The following ROBO2 variants were observed in gnomAD, a reference collection of about 807,000 sequenced individuals.
The protein encoded by ROBO2 is roundabout homolog 2.
ROBO2 carries 53 observed loss-of-function variants against 160.8 expected under a neutral mutation model. The ratio of observed to expected loss-of-function variants is 0.33; its 90% CI spans 0.26 to 0.41. The LOEUF is 0.41. Among genes scored for constraint, ROBO2 ranks in the 10% least tolerant of loss-of-function variants. The pLI is 1.00. For synonymous variants in ROBO2, 664 were observed against 611.7 expected (o/e 1.09, Z -1.26); for missense variants, 1,577 against 1,722.4 (o/e 0.92, Z 1.49).
chr3:77,099,199 G>A (rs1301447076), intron 2 of ROBO2, among the ~76,000 whole-genome samples: 1 of 150,464 alleles, frequency 6.6e-6, no homozygotes, highest in Non-Finnish European at 1.5e-5. Flanking sequence ...AGCCTCCCAA[G>A]TAGCTGGGAT....
At chr3:76,135,235 TC>T (rs1413246279) in intron 2 of ROBO2, among the ~76,000 whole-genome samples, 5 of 151,970 alleles carry the variant, frequency 3.3e-5, no homozygotes, top group Non-Finnish European at 7.4e-5. Context: ...AGCTTTGTGC[TC>T]CCTGAGCACA....
chr3:75,974,934 G>C (rs1241757680), intron 2 of ROBO2, among the ~76,000 whole-genome samples: 1 of 151,460 alleles, frequency 6.6e-6, no homozygotes, highest in Non-Finnish European at 1.5e-5. Flanking sequence ...ATAAATTGAT[G>C]AGCTTTATTT....
chr3:76,156,415 T>A (rs916807756), intron 2 of ROBO2, among the ~76,000 whole-genome samples: 2 of 152,196 alleles, frequency 1.3e-5, no homozygotes, highest in African/African-American at 4.8e-5. Flanking sequence ...TCTGTAGATA[T>A]GTTATGGACT....
chr3:76,840,331 T>C (rs2068101861), intron 2 of ROBO2, among the ~76,000 whole-genome samples: 1 of 151,888 alleles, frequency 6.6e-6, no homozygotes, highest in Admixed American at 6.6e-5. Context: ...ATGAAGTGGC[T>C]GGGCGCGGTA....
chr3:76,491,265 A>T (rs11921008), intron 2 of ROBO2, among the ~76,000 whole-genome samples: 46,797 of 151,486 alleles, frequency 0.31, 8,655 homozygotes, highest in African/African-American at 0.51. Flanking sequence ...TAATTTTTTT[A>T]AAAAAAAGTA....
rs114786368 is a variant in ROBO2, at chr3:77,441,265, C to A, written c.389-36149C>A. 4.5e-3 allele frequency among the ~76,000 whole-genome samples: 677 copies of A among 151,392 alleles called. 2 individuals carry two copies. The highest frequency in any genetic ancestry group is 0.022 in the East Asian group (114 of 5,148). On this transcript the variant is annotated intron_variant, in intron 2 of 25. Transcript: ENST00000461745. Reference sequence around the variant, plus strand: ...CATGTTTGAAGATTGCTGTGTAAAGCATTGGATGTTTCCAAAACAGAGACG... The same window carrying A: ...CATGTTTGAAGATTGCTGTGTAAAGAATTGGATGTTTCCAAAACAGAGACG...
intron 20 of ROBO2, among the ~76,000 whole-genome samples, chr3:77,607,207 C>G (rs1017995204): frequency 5.3e-5 from 8 of 152,208 alleles, no homozygotes; most frequent in African/African-American, 1.9e-4. Flanking sequence ...AAGAACTATT[C>G]ACATATGCAA....
At chr3:76,802,208 G>T (rs149771924) in intron 2 of ROBO2, among the ~76,000 whole-genome samples, 57 of 152,316 alleles carry the variant, frequency 3.7e-4, no homozygotes, top group Non-Finnish European at 6.6e-4. Flanking sequence ...CTTGCTTCAT[G>T]CAGGGTTGCC....
chr3:77,219,458 A>G (rs1272870362), intron 2 of ROBO2, among the ~76,000 whole-genome samples: 1 of 122,248 alleles, frequency 8.2e-6, no homozygotes, highest in African/African-American at 3.0e-5. Flanking sequence ...ATATATATAT[A>G]TGTATCTGTG....
chr3:76,243,702 G>A (rs529752531), intron 2 of ROBO2, among the ~76,000 whole-genome samples: 5 of 152,252 alleles, frequency 3.3e-5, no homozygotes, highest in Admixed American at 2.6e-4. Context: ...TTCCCCTGTC[G>A]TTTACCTCCC....
intron 2 of ROBO2, among the ~76,000 whole-genome samples, chr3:76,298,973 C>T (rs1030521341): frequency 6.6e-6 from 1 of 152,130 alleles, no homozygotes; most frequent in African/African-American, 2.4e-5. Context: ...TTATTCTCTT[C>T]TAAATAGTGT....
chr3:76,241,391 G>A (rs1357744326), intron 2 of ROBO2, among the ~76,000 whole-genome samples: 1 of 152,214 alleles, frequency 6.6e-6, no homozygotes, highest in Non-Finnish European at 1.5e-5. Context: ...ACACTTACTG[G>A]TCATTTGCTA....
At chr3:76,119,226 G>C (rs1198687876) in intron 2 of ROBO2, among the ~76,000 whole-genome samples, 2 of 152,088 alleles carry the variant, frequency 1.3e-5, no homozygotes, top group Non-Finnish European at 2.9e-5. Flanking sequence ...TTCGCTGTTG[G>C]TTCATGCACC....
At chr3:76,714,097 A>G (rs1339688278) in intron 2 of ROBO2, among the ~76,000 whole-genome samples, 1 of 152,152 alleles carries the variant, frequency 6.6e-6, no homozygotes, top group Admixed American at 6.6e-5. Context: ...CTGTAGGTTT[A>G]TTTTTGTTTT....
chr3:76,785,521 G>T (rs1291685501), intron 2 of ROBO2, among the ~76,000 whole-genome samples: 1 of 151,204 alleles, frequency 6.6e-6, no homozygotes, highest in Non-Finnish European at 1.5e-5. Flanking sequence ...TGGTGATTTT[G>T]TTGTAGTGCT....
At chr3:77,122,340 G>C (rs2074862801) in intron 2 of ROBO2, among the ~76,000 whole-genome samples, 1 of 152,038 alleles carries the variant, frequency 6.6e-6, no homozygotes, top group Non-Finnish European at 1.5e-5. Flanking sequence ...ATATTTTCTT[G>C]TTTGATTTCA....
intron 2 of ROBO2, among the ~76,000 whole-genome samples, chr3:76,663,659 GAAGA>G (rs1399889711): frequency 6.6e-6 from 1 of 152,142 alleles, no homozygotes; most frequent in Non-Finnish European, 1.5e-5. Context: ...ATGCTAATTG[GAAGA>G]AAGAATGAGG....
At chr3:76,941,486 T>G (rs2078182398) in intron 2 of ROBO2, among the ~76,000 whole-genome samples, 1 of 152,154 alleles carries the variant, frequency 6.6e-6, no homozygotes, top group Admixed American at 6.6e-5. Flanking sequence ...TTTTGCAACT[T>G]TCTCCCTACC....
chr3:76,247,488 C>G lies in ROBO2; in HGVS notation c.109+309886C>G, dbSNP rs1346337374. On this transcript the variant is annotated intron_variant, in intron 2 of 26. Transcript: ENST00000487694. Reference sequence around the variant, plus strand: ...AATAAAATCCAAATTCTTTATTACTCTAACCCATTTTCTGAAAGTTGGCAC... The same window carrying G: ...AATAAAATCCAAATTCTTTATTACTGTAACCCATTTTCTGAAAGTTGGCAC... 2.6e-5 allele frequency among the ~76,000 whole-genome samples: 4 copies of G among 152,106 alleles called. No individual in the cohort carries two copies. The East Asian group carries it at 7.7e-4, about 29-fold the overall frequency.
Sources: allele counts gnomAD v4.1 joint callset (sites outside exome capture counted in the v4.1 genomes callset), GRCh38; gene constraint gnomAD v4.1.1; transcripts MANE v1.5; gene names NCBI Gene and HGNC (gene_info 2026-07-23, HGNC 2026-07-21).